GALNT1: variants seen among roughly 807,000 people sequenced by gnomAD.
GALNT1 encodes the protein GalNAc transferase 1.
GALNT1 carries 17 observed loss-of-function variants against 65.7 expected under a neutral mutation model. The observed-to-expected ratio is 0.26, with a 90% CI of 0.18 to 0.39. The LOEUF (loss-of-function observed/expected upper bound fraction) is 0.39. Among genes scored for constraint, GALNT1 ranks in the 10% least tolerant of loss-of-function variants. The probability of loss-of-function intolerance (pLI) is 1.00; values close to 1 mark genes in which losing one functional copy is unlikely to be tolerated. For missense variants in GALNT1, 460 were observed against 672.8 expected, an observed-to-expected ratio of 0.68 and a Z score of 3.50; for synonymous variants, 210 against 219.7, an observed-to-expected ratio of 0.96 and a Z score of 0.39.
At chr18:35,625,068 A>G (rs1192132322) in intron 1 of GALNT1, among the ~76,000 whole-genome samples, 2 of 152,240 alleles carry the variant, frequency 1.3e-5, no homozygotes, top group East Asian at 3.8e-4. Context: ...ATAAAGAATA[A>G]CATTGGGGGT....
At chr18:35,616,169 T>C (rs1349569670) in intron 1 of GALNT1, among the ~76,000 whole-genome samples, 1 of 152,218 alleles carries the variant, frequency 6.6e-6, no homozygotes, top group African/African-American at 2.4e-5. Context: ...TATAATATGA[T>C]TTAATTTATG....
At chr18:35,679,763 A>G (rs916000959) in intron 4 of GALNT1, among the ~76,000 whole-genome samples, 1 of 152,168 alleles carries the variant, frequency 6.6e-6, no homozygotes, top group Non-Finnish European at 1.5e-5. Context: ...AGAATCATCT[A>G]ATGTATTTTT....
At chr18:35,691,708 C>T (rs2047966050) in intron 8 of GALNT1, among the ~76,000 whole-genome samples, 1 of 152,130 alleles carries the variant, frequency 6.6e-6, no homozygotes, top group Non-Finnish European at 1.5e-5. Flanking sequence ...GGAAACTTTG[C>T]TATTCAGAGT....
intron 11 of GALNT1, among the ~76,000 whole-genome samples, chr18:35,706,013 G>C (rs1037427814): frequency 6.6e-6 from 1 of 152,110 alleles, no homozygotes; most frequent in Non-Finnish European, 1.5e-5. Flanking sequence ...ATGTCTTATG[G>C]ACCAGAACAT....
At chr18:35,688,091 A>G (rs1220996745) in intron 6 of GALNT1, among the ~76,000 whole-genome samples, 2 of 152,184 alleles carry the variant, frequency 1.3e-5, no homozygotes, top group African/African-American at 4.8e-5. Context: ...AAAAATGACA[A>G]AATTTTTTGA....
intron 10 of GALNT1, among the ~76,000 whole-genome samples, 184 bp downstream of exon 10, chr18:35,703,179 G>A (rs1190017933): frequency 6.6e-6 from 1 of 151,588 alleles, no homozygotes; most frequent in African/African-American, 2.4e-5. Context: ...ATTTGTGAAA[G>A]GCCCATTGTG....
chr18:35,594,644 CAA>C (rs1295210107), intron 1 of GALNT1, among the ~76,000 whole-genome samples: 1 of 152,088 alleles, frequency 6.6e-6, no homozygotes, highest in African/African-American at 2.4e-5. Flanking sequence ...TTTTGTGTGT[CAA>C]AGAGTACCTT....
At chr18:35,612,938 C>A (rs2046736067) in intron 1 of GALNT1, among the ~76,000 whole-genome samples, 1 of 151,120 alleles carries the variant, frequency 6.6e-6, no homozygotes, top group East Asian at 1.9e-4. Flanking sequence ...CCCATAGTTT[C>A]TTAAAATTTT....
At chr18:35,640,346 C>A (rs1185873004) in intron 1 of GALNT1, among the ~76,000 whole-genome samples, 1 of 149,672 alleles carries the variant, frequency 6.7e-6, no homozygotes, top group Non-Finnish European at 1.5e-5. Context: ...CAATAAAATA[C>A]CATTTCAGGT....
chr18:35,594,714 G>T (rs1200630592), intron 1 of GALNT1, among the ~76,000 whole-genome samples: 1 of 152,158 alleles, frequency 6.6e-6, no homozygotes, highest in Admixed American at 6.5e-5. Flanking sequence ...CTAGAAGGCT[G>T]GTTAAGTGTA....
chr18:35,683,727 G>T, intron 5 of GALNT1, 129 bp downstream of exon 5: 2 of 721,704 alleles, frequency 2.8e-6, no homozygotes, highest in Non-Finnish European at 4.4e-6. Flanking sequence ...TAAAATATCC[G>T]TGAAGAGGAC....
intron 9 of GALNT1, among the ~76,000 whole-genome samples, chr18:35,699,686 A>G (rs973072280): frequency 6.6e-6 from 1 of 152,216 alleles, no homozygotes; most frequent in African/African-American, 2.4e-5. Flanking sequence ...CAAATAAGAC[A>G]TTTGCCTAGA....
In GALNT1 at chr18:35,681,087, C is replaced by T. The variant is rs111654323; in HGVS notation, c.482-2304C>T. 6.4e-3 allele frequency among the ~76,000 whole-genome samples: 975 copies of T among 152,118 alleles called. 19 individuals are homozygous for T. The highest frequency in any genetic ancestry group is 0.022 in the African/African-American group (925 of 41,490). On this transcript the variant is annotated intron_variant, in intron 4 of 11. Coordinates refer to ENST00000269195, the MANE Select transcript of GALNT1 (RefSeq NM_020474.4). ...CTTCCCTTTATTCTTCTCTACTACT[C>T]CTTAGAGTTTTGGCTAATATTTCTC...
chr18:35,604,481 A>G (rs1323063145), intron 1 of GALNT1, among the ~76,000 whole-genome samples: 1 of 152,176 alleles, frequency 6.6e-6, no homozygotes, highest in Non-Finnish European at 1.5e-5. Context: ...AAGTTTTTTG[A>G]GAAATCTCCA....
At chr18:35,696,322 T>A in intron 9 of GALNT1, among the ~76,000 whole-genome samples, 1 of 152,212 alleles carries the variant, frequency 6.6e-6, no homozygotes, top group Non-Finnish European at 1.5e-5. Flanking sequence ...TTCTCATGCT[T>A]CAAGGGTCCA....
rs200538555 is a variant in GALNT1, at chr18:35,613,871, TG to T, written c.-104+32014del. On this transcript the variant is annotated intron_variant, in intron 1 of 11. Coordinates refer to ENST00000269195, the MANE Select transcript of GALNT1 (RefSeq NM_020474.4). ...GTTGAAGTTCATACTACCTTAATGGTGGGGGAAAAAAAAACAACCAAGCCAA... is the reference window on the plus strand; with the variant it reads ...GTTGAAGTTCATACTACCTTAATGGTGGGGAAAAAAAAACAACCAAGCCAA... Among the ~76,000 whole-genome samples the T allele has an allele frequency of 7.3e-5, 11 of 150,738 alleles. No individual in the cohort carries two copies. In the South Asian group the frequency reaches 1.7e-3, roughly 23 times the overall value.
intron 1 of GALNT1, among the ~76,000 whole-genome samples, 154 bp from the exon 2 acceptor site, chr18:35,654,406 G>C (rs1440217368): frequency 3.3e-5 from 5 of 151,592 alleles, no homozygotes; most frequent in African/African-American, 9.7e-5. Flanking sequence ...TTCCAAGTCT[G>C]ATTTTCAAAC....
upstream of GALNT1, among the ~76,000 whole-genome samples, chr18:35,581,505 G>T (rs1294043340): frequency 6.9e-6 from 1 of 144,168 alleles, no homozygotes; most frequent in Non-Finnish European, 1.5e-5. Context: ...CGAGCACGCA[G>T]CGCAGGGAGG....
intron 2 of GALNT1, among the ~76,000 whole-genome samples, chr18:35,662,619 T>C (rs1842710712): frequency 6.6e-6 from 1 of 152,160 alleles, no homozygotes; most frequent in South Asian, 2.1e-4. Flanking sequence ...ATTTTTTGTT[T>C]AGAAATGTTT....
Sources: allele counts gnomAD v4.1 joint callset (sites outside exome capture counted in the v4.1 genomes callset), GRCh38; gene constraint gnomAD v4.1.1; transcripts MANE v1.5; gene names NCBI Gene and HGNC (gene_info 2026-07-23, HGNC 2026-07-21).